The following CD226 variants were observed in gnomAD, a reference collection of about 807,000 sequenced individuals.
The protein encoded by CD226 is CD226 molecule.
Under a neutral mutation model 34.9 loss-of-function variants are expected in CD226, and 24 were observed. The ratio of observed to expected loss-of-function variants is 0.69; its 90% CI spans 0.50 to 0.97. CD226 has a LOEUF of 0.97. CD226 is among the 50% of genes least tolerant of loss of function. CD226 has a pLI of 0.00. For missense variants in CD226, 397 were observed against 412.7 expected, an observed-to-expected ratio of 0.96 and a Z score of 0.33; for synonymous variants, 148 against 147.4, an observed-to-expected ratio of 1.00 and a Z score of -0.03.
chr18:69,960,377 A>T (rs2055924393), upstream of CD226, among the ~76,000 whole-genome samples: 1 of 152,212 alleles, frequency 6.6e-6, no homozygotes, highest in South Asian at 2.1e-4. Flanking sequence ...CAGAACAAAC[A>T]TCTCAGTTTC....
intron 2 of CD226, among the ~76,000 whole-genome samples, chr18:69,905,551 G>A (rs901092804): frequency 6.6e-6 from 1 of 152,202 alleles, no homozygotes; most frequent in African/African-American, 2.4e-5. Context: ...GTGAGTGGAA[G>A]TGCGGGATTG....
intron 2 of CD226, among the ~76,000 whole-genome samples, chr18:69,926,611 T>C (rs2055525371): frequency 6.6e-6 from 1 of 152,166 alleles, no homozygotes; most frequent in Non-Finnish European, 1.5e-5. Flanking sequence ...TTGAAATGAG[T>C]TGAAGTTTCA....
chr18:69,959,632 G>T (rs1377799767), upstream of CD226, among the ~76,000 whole-genome samples: 1 of 53,388 alleles, frequency 1.9e-5, no homozygotes, highest in Non-Finnish European at 1.2e-4. Flanking sequence ...GCTACTAAGT[G>T]GAAAAAACAA....
intron 2 of CD226, among the ~76,000 whole-genome samples, chr18:69,941,004 G>A (rs1431680279): frequency 6.6e-6 from 1 of 152,192 alleles, no homozygotes; most frequent in East Asian, 1.9e-4. Flanking sequence ...GCTAAAAGGG[G>A]CCAACATACA....
At chr18:69,953,667 T>C (rs1278603859) in intron 1 of CD226, among the ~76,000 whole-genome samples, 1 of 152,008 alleles carries the variant, frequency 6.6e-6, no homozygotes, top group Non-Finnish European at 1.5e-5. Flanking sequence ...CACAGAACAC[T>C]GTGGATGTAC....
intron 3 of CD226, among the ~76,000 whole-genome samples, chr18:69,877,707 G>A (rs747862628): frequency 2.6e-5 from 4 of 152,172 alleles, no homozygotes; most frequent in Non-Finnish European, 4.4e-5. Flanking sequence ...TGTGAATTTT[G>A]AGCCAGGACC....
intron 2 of CD226, among the ~76,000 whole-genome samples, chr18:69,914,018 T>C (rs958844115): frequency 6.6e-6 from 1 of 152,198 alleles, no homozygotes; most frequent in African/African-American, 2.4e-5. Context: ...CTACTTCTAT[T>C]AGAGAGATTT....
intron 2 of CD226, among the ~76,000 whole-genome samples, chr18:69,931,036 T>C (rs965775446): frequency 1.3e-5 from 2 of 152,150 alleles, no homozygotes; most frequent in African/African-American, 4.8e-5. Flanking sequence ...ATATACACCA[T>C]GGAATACTAT....
At chr18:69,873,068 C>T (rs377605726) in intron 4 of CD226, 76 bp downstream of exon 4, 36 of 833,888 alleles carry the variant, frequency 4.3e-5, no homozygotes, top group East Asian at 4.2e-4. Context: ...GCTGAGACAG[C>T]TTGACAAATT....
chr18:69,897,315 G>A lies in CD226; in HGVS notation c.383-1270C>T, dbSNP rs147380180. Among the ~76,000 whole-genome samples, 938 of 152,244 alleles carry A rather than the reference G, an allele frequency of 6.2e-3. 5 individuals carry two copies. Among genetic ancestry groups the A allele is most frequent in the Non-Finnish European group, 0.01 (692 of 68,006 alleles). ...AAGGGGTCTTGAGACCAAAAAGTTT[G>A]GGAACCCGATCTAAAGAATAAACTG... On this transcript the variant is annotated intron_variant, in intron 2 of 5. Transcript: ENST00000582621.
At chr18:69,909,326 G>A (rs567203987) in intron 2 of CD226, among the ~76,000 whole-genome samples, 7 of 152,176 alleles carry the variant, frequency 4.6e-5, no homozygotes, top group Admixed American at 4.6e-4. Flanking sequence ...CATGAGTTTG[G>A]GTCTCCATTC....
In CD226 at chr18:69,935,113, A is replaced by G. The variant is rs191169242; in HGVS notation, c.382+11621T>C. Among the ~76,000 whole-genome samples, 7 of 152,374 alleles carry G rather than the reference A, an allele frequency of 4.6e-5. 1 individual carries two copies. The highest frequency in any genetic ancestry group is 1.9e-4 in the East Asian group (1 of 5,192). ...AAGATAAAGCCACAGAGGAGCTCCA[A>G]GCATCAGTAAAAACTGAGAGCTTTA... On this transcript the variant is annotated intron_variant, in intron 2 of 5. Transcript: ENST00000582621.
upstream of CD226, among the ~76,000 whole-genome samples, chr18:69,949,365 C>T (rs1268083466): frequency 6.6e-6 from 1 of 152,176 alleles, no homozygotes; most frequent in Non-Finnish European, 1.5e-5. Flanking sequence ...GTGGCAAGGA[C>T]ATGGAAGACC....
intron 2 of CD226, among the ~76,000 whole-genome samples, chr18:69,898,343 G>A (rs17842596): frequency 0.55 from 82,871 of 151,934 alleles, 23,679 homozygotes; most frequent in East Asian, 0.69. Flanking sequence ...TCTGGATGCC[G>A]CCCCGTCCAA....
chr18:69,959,368 T>C (rs1375263740), upstream of CD226, among the ~76,000 whole-genome samples: 1 of 152,150 alleles, frequency 6.6e-6, no homozygotes, highest in African/African-American at 2.4e-5. Flanking sequence ...CAAAAGGCTT[T>C]TTGAACAACT....
At chr18:69,925,972 A>G (rs2055516415) in intron 2 of CD226, among the ~76,000 whole-genome samples, 1 of 152,046 alleles carries the variant, frequency 6.6e-6, no homozygotes, top group Admixed American at 6.6e-5. Context: ...GTGATACCCC[A>G]TCTCTACCAA....
chr18:69,898,879 T>A, intron 2 of CD226, among the ~76,000 whole-genome samples: 1 of 152,110 alleles, frequency 6.6e-6, no homozygotes, highest in Non-Finnish European at 1.5e-5. Flanking sequence ...GGGATCCTGA[T>A]GAACTTGGAA....
At chr18:69,956,540 A>G (rs531665280) in intron 1 of CD226, 2 of 152,358 alleles carry the variant, frequency 1.3e-5, no homozygotes, top group African/African-American at 4.8e-5. Context: ...AAAGTACTTA[A>G]CTGGCACCCT....
intron 2 of CD226, among the ~76,000 whole-genome samples, chr18:69,899,764 A>G (rs12456315): frequency 0.044 from 6,757 of 152,310 alleles, 215 homozygotes; most frequent in Admixed American, 0.087. Flanking sequence ...CTATTACTAA[A>G]AAGGCAAAAC....
Sources: gnomAD v4.1 joint callset for allele counts (sites outside exome capture counted in the v4.1 genomes callset) on GRCh38, gnomAD v4.1.1 for gene constraint, MANE v1.5 for transcripts, NCBI Gene and HGNC (gene_info 2026-07-23, HGNC 2026-07-21) for gene names.